SIRT5: variants seen among roughly 807,000 people sequenced by gnomAD.
SIRT5 encodes the protein sirtuin 5, also known as NAD-dependent protein deacylase sirtuin-5, mitochondrial.
In SIRT5, 26 loss-of-function variants were observed where a neutral mutation model predicts 40.0. The ratio of observed to expected loss-of-function variants is 0.65; its 90% CI spans 0.48 to 0.90. SIRT5 has a LOEUF of 0.90. SIRT5 is among the 40% of genes least tolerant of loss of function. The pLI, the probability that SIRT5 is intolerant of heterozygous loss-of-function variation, is 0.00. For missense variants in SIRT5, 401 were observed against 402.4 expected (o/e 1.00, Z 0.03); for synonymous variants, 146 against 149.1 (o/e 0.98, Z 0.15).
chr6:13,581,954 A>G (rs1435328599), intron 2 of SIRT5, among the ~76,000 whole-genome samples: 1 of 152,068 alleles, frequency 6.6e-6, no homozygotes. Flanking sequence ...CATTCCTTCC[A>G]CCTTTTAGAT....
chr6:13,590,721 G>A (rs923574628), intron 4 of SIRT5, among the ~76,000 whole-genome samples: 2 of 151,760 alleles, frequency 1.3e-5, no homozygotes, highest in East Asian at 1.9e-4. Context: ...AGTTGTGGGT[G>A]TAGTTGTGTA....
intron 9 of SIRT5, among the ~76,000 whole-genome samples, chr6:13,603,440 A>G (rs916616429): frequency 6.6e-6 from 1 of 152,228 alleles, no homozygotes; most frequent in Non-Finnish European, 1.5e-5. Context: ...AAAATATTTG[A>G]AAAGACATTT....
intron 3 of SIRT5, among the ~76,000 whole-genome samples, chr6:13,587,172 G>A (rs768296883): frequency 2.0e-5 from 3 of 152,178 alleles, no homozygotes; most frequent in African/African-American, 2.4e-5. Flanking sequence ...GGGCATTCCC[G>A]GCTTCAGTAT....
chr6:13,594,011 A>T (rs1761270435), intron 5 of SIRT5, among the ~76,000 whole-genome samples: 1 of 152,136 alleles, frequency 6.6e-6, no homozygotes, highest in South Asian at 2.1e-4. Context: ...CAAGCTCCTG[A>T]CACACCTTCC....
chr6:13,582,200 C>T (rs574469084), intron 2 of SIRT5, among the ~76,000 whole-genome samples: 11 of 152,346 alleles, frequency 7.2e-5, no homozygotes, highest in East Asian at 3.9e-4. Flanking sequence ...AAAATCCTTG[C>T]TCAGCTCTAA....
Position 13,588,454 on chromosome 6 carries a change from G to A in SIRT5, c.239G>A (p.Trp80Ter). The A allele has an allele frequency of 1.2e-6, 2 of 1,613,884 alleles. No homozygotes were observed. The highest frequency in any genetic ancestry group is 1.7e-6 in the Non-Finnish European group (2 of 1,179,916). Residue 80 changes from tryptophan (W) to a stop codon, truncating the protein, a stop_gained, in exon 4 of 10, where the codon TGG (tryptophan) becomes TAG (stop). Transcript: ENST00000606117. LOFTEE classifies it high-confidence loss of function. ...GGAGCTGGAGGTTATTGGAGAAAAT[G>A]GCAAGCCCAGGTTTGTAAAGTTTCC... ...FRGAGGYWRK[W>*]QAQDLATPLA...
intron 6 of SIRT5, among the ~76,000 whole-genome samples, chr6:13,596,122 G>C (rs1761544535): frequency 6.6e-6 from 1 of 152,210 alleles, no homozygotes; most frequent in African/African-American, 2.4e-5. Context: ...TCGTGTATCT[G>C]TATATAGTTA....
intron 9 of SIRT5, among the ~76,000 whole-genome samples, chr6:13,611,224 TATATATATATATAC>T (rs942830932): frequency 1.1e-4 from 15 of 130,612 alleles, no homozygotes; most frequent in South Asian, 2.5e-4. Flanking sequence ...TATATATATA[TATATATATATATAC>T]ACACACACAT....
At position 13,588,063 on chromosome 6, in the gene SIRT5, C is replaced by T. The variant is rs573213075; in HGVS notation, c.116-268C>T. ...AGGACAGTGAGGATGGAGAAAGGTA[C>T]GTAACTTATGTAAGATCACACATTT... is the stretch of plus-strand genomic sequence containing the variant. On this transcript the variant is annotated intron_variant, in intron 3 of 9. Transcript: ENST00000606117. Among the ~76,000 whole-genome samples the T allele has an allele frequency of 2.2e-4, 33 of 152,244 alleles. No homozygotes were observed. The South Asian group carries it at 6.0e-3, about 28-fold the overall frequency.
At chr6:13,575,486 T>C (rs1337726881) in intron 1 of SIRT5, among the ~76,000 whole-genome samples, 1 of 152,094 alleles carries the variant, frequency 6.6e-6, no homozygotes, top group Non-Finnish European at 1.5e-5. Flanking sequence ...GTACAACTTT[T>C]TGCAGTTCAT....
At chr6:13,591,114 G>A (rs374551966) in intron 4 of SIRT5, among the ~76,000 whole-genome samples, 1 of 151,508 alleles carries the variant, frequency 6.6e-6, no homozygotes, top group African/African-American at 2.4e-5. Context: ...TATGTGTAGT[G>A]TGTATGTATA....
intron 3 of SIRT5, 33 bp downstream of exon 3, chr6:13,584,258 C>T: frequency 6.8e-7 from 1 of 1,475,258 alleles, no homozygotes; most frequent in South Asian, 1.1e-5. Context: ...TCACCTGCAG[C>T]CAAATGTGAA....
At chr6:13,604,862 C>T in intron 9 of SIRT5, 1 of 1,026,794 alleles carries the variant, frequency 9.7e-7, no homozygotes, top group Non-Finnish European at 1.2e-6. Context: ...CTCTAACAAA[C>T]AGGCTACTTG....
intron 3 of SIRT5, among the ~76,000 whole-genome samples, chr6:13,586,181 C>T (rs1760060195): frequency 6.6e-6 from 1 of 152,178 alleles, no homozygotes; most frequent in Non-Finnish European, 1.5e-5. Context: ...AATATTCTCT[C>T]ATTCTGTAGG....
intron 9 of SIRT5, among the ~76,000 whole-genome samples, chr6:13,606,441 T>A (rs989208291): frequency 6.6e-6 from 1 of 152,026 alleles, no homozygotes; most frequent in African/African-American, 2.4e-5. Flanking sequence ...CTATCTAGGG[T>A]GTGAAGAGGT....
intron 9 of SIRT5, among the ~76,000 whole-genome samples, chr6:13,611,234 TATACACACACAC>T (rs1763857188): frequency 7.5e-6 from 1 of 132,682 alleles, no homozygotes; most frequent in African/African-American, 3.1e-5. Context: ...TATATATATA[TATACACACACAC>T]ATACACACAC....
chr6:13,612,579 A>T lies in SIRT5; in HGVS notation c.*714A>T, dbSNP rs370457480. 6.6e-6 allele frequency: 1 copy of T among 152,328 alleles called. No homozygotes were observed. Among genetic ancestry groups the T allele is most frequent in the African/African-American group, 2.4e-5 (1 of 41,524 alleles). 9.4% of individuals were successfully genotyped at this position (152,328 alleles called of 1,614,324 possible). A position where few individuals can be genotyped will look rare whatever the true frequency, so the allele number is the denominator to read the frequency against. ...GGTCTTAAACTCTCGACCTCAGGTG[A>T]TCTGCCCGCCTCGGCCTCCCAAAGT... On this transcript the variant is annotated 3_prime_UTR_variant, in exon 10 of 10. Coordinates refer to ENST00000606117, the MANE Select transcript of SIRT5 (RefSeq NM_012241.5).
At chr6:13,587,217 C>T (rs1760192495) in intron 3 of SIRT5, among the ~76,000 whole-genome samples, 1 of 152,190 alleles carries the variant, frequency 6.6e-6, no homozygotes. Flanking sequence ...GTACAGCACT[C>T]GCTTCTCCAG....
intron 1 of SIRT5, among the ~76,000 whole-genome samples, chr6:13,578,929 A>ATGAC (rs1263737035): frequency 2.6e-5 from 4 of 152,124 alleles, no homozygotes; most frequent in Non-Finnish European, 5.9e-5. Context: ...AAAGCTCCCA[A>ATGAC]TGACTGATCA....
Sources: gnomAD v4.1 joint callset for allele counts (sites outside exome capture counted in the v4.1 genomes callset) on GRCh38, gnomAD v4.1.1 for gene constraint, MANE v1.5 for transcripts, NCBI Gene and HGNC (gene_info 2026-07-23, HGNC 2026-07-21) for gene names.